The following SLC35D4 variants were observed in gnomAD, a reference collection of about 807,000 sequenced individuals.
The protein encoded by SLC35D4 is UDP-N-acetylglucosamine transporter SLC35D4.
chr18:23,368,248 G>A, the SLC35D4 span, among the ~76,000 whole-genome samples: 6 of 152,138 alleles, frequency 3.9e-5, no homozygotes, highest in Admixed American at 3.9e-4. Context: ...CAGCCCAAGG[G>A]CCTCACACAT....
At chr18:23,277,383 G>A in the SLC35D4 span, among the ~76,000 whole-genome samples, 2 of 152,156 alleles carry the variant, frequency 1.3e-5, no homozygotes, top group Non-Finnish European at 2.9e-5. Flanking sequence ...GCTCCTCTTT[G>A]CCTTCTACCA....
the SLC35D4 span, among the ~76,000 whole-genome samples, chr18:23,371,000 C>T: frequency 4.6e-5 from 7 of 152,218 alleles, no homozygotes; most frequent in East Asian, 1.4e-3. Flanking sequence ...TCCAAGGTCA[C>T]CAAAAAGTGG....
At chr18:23,343,269 T>G in the SLC35D4 span, among the ~76,000 whole-genome samples, 1 of 151,972 alleles carries the variant, frequency 6.6e-6, no homozygotes, top group Admixed American at 6.6e-5. Context: ...TTATTTTTAT[T>G]TTTTTTGAGA....
chr18:23,371,945 T>TTTTTTTTTTTTGTTTTTTTTTTG, the SLC35D4 span, among the ~76,000 whole-genome samples: 1 of 73,346 alleles, frequency 1.4e-5, no homozygotes, highest in Non-Finnish European at 2.6e-5. Flanking sequence ...GTTTTTTTTT[T>TTTTTTTTTTTTGTTTTTTTTTTG]TTTTTTTTGA....
the SLC35D4 span, among the ~76,000 whole-genome samples, chr18:23,264,934 C>T: frequency 5.3e-5 from 8 of 152,156 alleles, no homozygotes; most frequent in East Asian, 1.9e-4. Flanking sequence ...CATGAGCCAC[C>T]GTGCCCGGCC....
chr18:23,381,869 G>A, the SLC35D4 span, among the ~76,000 whole-genome samples: 1 of 152,156 alleles, frequency 6.6e-6, no homozygotes, highest in African/African-American at 2.4e-5. Flanking sequence ...AAACCCTGTG[G>A]AGATGCCTTG....
At chr18:23,315,207 G>C in the SLC35D4 span, among the ~76,000 whole-genome samples, 1 of 152,158 alleles carries the variant, frequency 6.6e-6, no homozygotes, top group Non-Finnish European at 1.5e-5. Context: ...CCCTTTTAAA[G>C]GGGTTGCAAT....
At chr18:23,286,355 C>A in the SLC35D4 span, among the ~76,000 whole-genome samples, 1 of 152,204 alleles carries the variant, frequency 6.6e-6, no homozygotes, top group African/African-American at 2.4e-5. Flanking sequence ...GGAATGCCCG[C>A]AGCCCAGGAT....
chr18:23,282,387 C>T, the SLC35D4 span, among the ~76,000 whole-genome samples: 8 of 152,194 alleles, frequency 5.3e-5, no homozygotes, highest in East Asian at 1.9e-4. Context: ...TAAACCACTG[C>T]GAGTCCGGCC....
the SLC35D4 span, among the ~76,000 whole-genome samples, chr18:23,384,342 G>C: frequency 6.6e-6 from 1 of 151,748 alleles, no homozygotes; most frequent in South Asian, 2.1e-4. Flanking sequence ...AAATCAAATA[G>C]CAAATGCCAG....
chr18:23,393,293 C>T, the SLC35D4 span, among the ~76,000 whole-genome samples: 10 of 152,020 alleles, frequency 6.6e-5, no homozygotes, highest in Admixed American at 2.6e-4. Context: ...GAGCATAGTC[C>T]GTTCACACTT....
the SLC35D4 span, among the ~76,000 whole-genome samples, chr18:23,299,861 T>C: frequency 2.0e-4 from 31 of 152,276 alleles, 1 homozygote; most frequent in East Asian, 3.1e-3. Flanking sequence ...TTACTCCAAG[T>C]TGGGATGTAC....
the SLC35D4 span, among the ~76,000 whole-genome samples, chr18:23,380,960 C>T: frequency 2.1e-4 from 32 of 152,166 alleles, no homozygotes; most frequent in African/African-American, 7.7e-4. Flanking sequence ...AAAATCTACA[C>T]ATAGTAGACA....
chr18:23,285,346 TAAG>T, the SLC35D4 span, among the ~76,000 whole-genome samples: 3,704 of 152,200 alleles, frequency 0.024, 48 homozygotes, highest in Middle Eastern at 0.062. Context: ...CCTGTGTTCT[TAAG>T]AACTTAAAAC....
the SLC35D4 span, chr18:23,259,559 GT>G: frequency 7.2e-5 from 11 of 152,252 alleles, no homozygotes; most frequent in African/African-American, 2.2e-4. Flanking sequence ...GGAATGGACA[GT>G]TTTGTGGGTT....
chr18:23,400,712 T>C, the SLC35D4 span, among the ~76,000 whole-genome samples: 54 of 152,184 alleles, frequency 3.5e-4, no homozygotes, highest in Non-Finnish European at 6.6e-4. Flanking sequence ...AATGAAACCA[T>C]TCCAGCAGGA....
chr18:23,283,890 C>T, the SLC35D4 span, among the ~76,000 whole-genome samples: 10 of 151,716 alleles, frequency 6.6e-5, no homozygotes, highest in Admixed American at 2.0e-4. Context: ...ACTGAGTATA[C>T]TTATAGTTAC....
At chr18:23,277,308 G>A in the SLC35D4 span, among the ~76,000 whole-genome samples, 1 of 151,902 alleles carries the variant, frequency 6.6e-6, no homozygotes, top group Non-Finnish European at 1.5e-5. Flanking sequence ...TATTATCAGA[G>A]GTTTCTGCTT....
chr18:23,428,201 TAAGA>T, the SLC35D4 span, among the ~76,000 whole-genome samples: 45,743 of 151,590 alleles, frequency 0.3, 7,167 homozygotes, highest in East Asian at 0.4. Flanking sequence ...ATTAAATTAA[TAAGA>T]AAAACACTAA....
Sources: allele counts gnomAD v4.1 joint callset (sites outside exome capture counted in the v4.1 genomes callset), GRCh38; gene constraint gnomAD v4.1.1; transcripts MANE v1.5; gene names NCBI Gene and HGNC (gene_info 2026-07-23, HGNC 2026-07-21).